The following SEPTIN9 variants were observed in gnomAD, a reference collection of about 807,000 sequenced individuals.
SEPTIN9 encodes the protein septin-9.
Under a neutral mutation model 56.6 loss-of-function variants are expected in SEPTIN9, and 13 were observed. The observed-to-expected ratio is 0.23, with a 90% CI of 0.15 to 0.37. The LOEUF (loss-of-function observed/expected upper bound fraction) is 0.37, where lower values mean the gene tolerates loss of function less well. Among genes scored for constraint, SEPTIN9 ranks in the 10% least tolerant of loss-of-function variants. SEPTIN9 has a pLI of 1.00. For synonymous variants in SEPTIN9, 332 were observed against 334.1 expected (o/e 0.99, Z 0.07); for missense variants, 650 against 823.1 (o/e 0.79, Z 2.57).
chr17:77,381,303 C>T (rs1017072522), intron 2 of SEPTIN9, among the ~76,000 whole-genome samples: 1 of 152,236 alleles, frequency 6.6e-6, no homozygotes, highest in African/African-American at 2.4e-5. Flanking sequence ...TCCCCTCCCC[C>T]AGGCAGGGCC....
At chr17:77,380,571 G>T (rs1192189486) in intron 2 of SEPTIN9, among the ~76,000 whole-genome samples, 1 of 152,122 alleles carries the variant, frequency 6.6e-6, no homozygotes, top group African/African-American at 2.4e-5. Flanking sequence ...CGAATTTCCT[G>T]TGTCCTCAAA....
intron 3 of SEPTIN9, among the ~76,000 whole-genome samples, chr17:77,426,379 G>A (rs1375697936): frequency 1.3e-5 from 2 of 152,092 alleles, no homozygotes; most frequent in Non-Finnish European, 2.9e-5. Context: ...AACAGCGTGA[G>A]CCCAGGAGCC....
Position 77,327,568 on chromosome 17 carries a change from G to A in SEPTIN9, c.76+20371G>A, listed in dbSNP as rs2033187094. Among the ~76,000 whole-genome samples the A allele has an allele frequency of 6.6e-6, 1 of 152,180 alleles. No individual in the cohort carries two copies. The highest frequency in any genetic ancestry group is 2.1e-4 in the South Asian group (1 of 4,828). ...TGGGCAGTGGGGGCTGGGTATGGGA[G>A]GGGATCGTGGGTGGGGAGATTCCTC... On this transcript the variant is annotated intron_variant, in intron 2 of 11. Transcript: ENST00000427177. This position sits in a 1 kb window ranked among gnomAD's most constrained non-coding sequence, Gnocchi z 5.0.
rs773537315 is a variant in SEPTIN9, at chr17:77,307,238, G to A, written c.76+41G>A. On this transcript the variant is annotated intron_variant, in intron 2 of 11. Transcript: ENST00000427177. ...CGCTCTGGCCCCACCCAGCTCATGG[G>A]TGTGTTTGTGCTGGGGTCCCTTCAT... 46 of 1,572,730 alleles carry A rather than the reference G, an allele frequency of 2.9e-5. No individual in the cohort carries two copies. The South Asian group carries it at 3.5e-4, about 12-fold the overall frequency.
intron 1 of SEPTIN9, among the ~76,000 whole-genome samples, chr17:77,291,781 A>G (rs897783097): frequency 6.6e-6 from 1 of 152,240 alleles, no homozygotes; most frequent in East Asian, 1.9e-4. Flanking sequence ...CCTGGCCTCC[A>G]CTTGCTTTGG....
chr17:77,337,007 T>G (rs543698802), intron 2 of SEPTIN9, among the ~76,000 whole-genome samples: 1 of 151,494 alleles, frequency 6.6e-6, no homozygotes, highest in African/African-American at 2.4e-5. Flanking sequence ...CGTTTTTTTT[T>G]TTTTTTTTTT....
rs1480231347 is a variant in SEPTIN9 at position 77,500,395 on chromosome 17, G to GGTGGGC, written c.*1738_*1743dup. On this transcript the variant is annotated 3_prime_UTR_variant, in exon 12 of 12. Transcript: ENST00000427177. ...TCACTTGGTGGCGGGGTGGGGTGGG[G>GGTGGGC]GTGGGCAGCAGCATCCCAGCCTTGA... is the stretch of plus-strand genomic sequence containing the variant. 2.4e-5 allele frequency: 5 copies of GGTGGGC among 207,590 alleles called. No individual in the cohort carries two copies. Among genetic ancestry groups the GGTGGGC allele is most frequent in the African/African-American group, 1.1e-4 (5 of 43,636 alleles). 12.9% of individuals were successfully genotyped at this position (207,590 alleles called of 1,614,324 possible).
intron 2 of SEPTIN9, among the ~76,000 whole-genome samples, chr17:77,352,930 T>TGA (rs1434180392): frequency 6.6e-6 from 1 of 152,188 alleles, no homozygotes; most frequent in Non-Finnish European, 1.5e-5. Flanking sequence ...ATTAGAGACA[T>TGA]GAGCTGCTGT....
intron 3 of SEPTIN9, among the ~76,000 whole-genome samples, chr17:77,431,067 G>T (rs2037113549): frequency 6.6e-6 from 1 of 152,226 alleles, no homozygotes; most frequent in African/African-American, 2.4e-5. Flanking sequence ...TCTTTGCTGG[G>T]CGTGGTGGCT....
At chr17:77,362,656 T>A (rs2143858215) in intron 2 of SEPTIN9, among the ~76,000 whole-genome samples, 1 of 152,300 alleles carries the variant, frequency 6.6e-6, no homozygotes, top group South Asian at 2.1e-4. Context: ...GCCTTCGCAG[T>A]CTGAGCTGAT....
At chr17:77,473,220 T>C (rs957604358) in intron 3 of SEPTIN9, among the ~76,000 whole-genome samples, 4 of 152,192 alleles carry the variant, frequency 2.6e-5, no homozygotes, top group Non-Finnish European at 5.9e-5. Flanking sequence ...CTCAGACTCA[T>C]CTTCCACCTT....
At chr17:77,334,949 T>C (rs2033487352) in intron 2 of SEPTIN9, among the ~76,000 whole-genome samples, 1 of 152,208 alleles carries the variant, frequency 6.6e-6, no homozygotes. Flanking sequence ...TATGTGGCCC[T>C]ATATTAGTAT....
In SEPTIN9 at chr17:77,429,834, C is replaced by G. The variant is rs2037061106; in HGVS notation, c.721+27131C>G. On this transcript the variant is annotated intron_variant, in intron 3 of 11. Coordinates refer to ENST00000427177, the MANE Select transcript of SEPTIN9 (RefSeq NM_001113491.2). This position sits in a 1 kb window ranked among gnomAD's most constrained non-coding sequence, Gnocchi z 5.2. ...GCTCAGGGCAACACAGCGGATGGGG[C>G]AGATGTTGCGAAACCTGTCTCTCTG... is the stretch of plus-strand genomic sequence containing the variant. 6.6e-6 allele frequency among the ~76,000 whole-genome samples: 1 copy of G among 152,154 alleles called. No homozygotes were observed. The highest frequency in any genetic ancestry group is 2.4e-5 in the African/African-American group (1 of 41,426).
chr17:77,286,802 G>A, intron 1 of SEPTIN9, among the ~76,000 whole-genome samples: 1 of 152,226 alleles, frequency 6.6e-6, no homozygotes, highest in East Asian at 1.9e-4. Flanking sequence ...GCCAGGGGGT[G>A]ATGATGGCAG....
intron 2 of SEPTIN9, among the ~76,000 whole-genome samples, chr17:77,343,679 AC>A (rs1312926249): frequency 1.3e-5 from 2 of 152,086 alleles, no homozygotes; most frequent in Non-Finnish European, 2.9e-5. Flanking sequence ...GTGAGATGGA[AC>A]CCTTAACCTA....
In SEPTIN9 at chr17:77,380,521, G is replaced by A. The variant is rs189679711; in HGVS notation, c.77-21538G>A. On this transcript the variant is annotated intron_variant, in intron 2 of 11. Coordinates refer to ENST00000427177, the MANE Select transcript of SEPTIN9 (RefSeq NM_001113491.2). ...AATATCCAGAAAATCAAGGGGCCTGGCCTTAAATACATTGCAGTGCCCTCC... is the reference window on the plus strand; with the variant it reads ...AATATCCAGAAAATCAAGGGGCCTGACCTTAAATACATTGCAGTGCCCTCC... Among the ~76,000 whole-genome samples, 150 of 152,154 alleles carry A rather than the reference G, an allele frequency of 9.9e-4. 1 individual carries two copies. Among genetic ancestry groups the A allele is most frequent in the African/African-American group, 3.2e-3 (134 of 41,504 alleles).
At chr17:77,325,802 C>T (rs757022344) in intron 2 of SEPTIN9, among the ~76,000 whole-genome samples, 2 of 152,156 alleles carry the variant, frequency 1.3e-5, no homozygotes, top group African/African-American at 4.8e-5. Context: ...GGCCACCCCT[C>T]ATGATCTGGA....
intron 2 of SEPTIN9, among the ~76,000 whole-genome samples, chr17:77,315,972 C>A (rs1198001732): frequency 6.6e-6 from 1 of 152,198 alleles, no homozygotes. Flanking sequence ...CAGAGTTTCC[C>A]AAAGCCGTGG....
At chr17:77,373,371 C>T in intron 2 of SEPTIN9, 2 of 1,209,706 alleles carry the variant, frequency 1.7e-6, no homozygotes, top group African/African-American at 1.6e-5. Flanking sequence ...CTAGGGGCTC[C>T]TCCGGCGGCT....
Sources: allele counts gnomAD v4.1 joint callset (sites outside exome capture counted in the v4.1 genomes callset), GRCh38; gene constraint gnomAD v4.1.1; non-coding constraint Gnocchi (gnomAD v3.1); transcripts MANE v1.5; gene names NCBI Gene and HGNC (gene_info 2026-07-23, HGNC 2026-07-21).